GRIN2A: variants seen among roughly 807,000 people sequenced by gnomAD.
GRIN2A encodes glutamate ionotropic receptor NMDA type subunit 2A, also known as glutamate receptor ionotropic, NMDA 2A.
GRIN2A carries 22 observed loss-of-function variants against 113.4 expected under a neutral mutation model. The observed-to-expected ratio is 0.19, with a 90% confidence interval of 0.14 to 0.28. The LOEUF is 0.28. Among genes scored for constraint, GRIN2A ranks in the 10% least tolerant of loss-of-function variants. The pLI is 1.00. For synonymous variants in GRIN2A, 827 were observed against 738.4 expected (o/e 1.12, Z -1.94); for missense variants, 1,502 against 1,887.0 (o/e 0.80, Z 3.78).
chr16:10,083,662 TCCTA>T (rs1875752836), intron 2 of GRIN2A, among the ~76,000 whole-genome samples: 1 of 152,068 alleles, frequency 6.6e-6, no homozygotes, highest in Non-Finnish European at 1.5e-5. Flanking sequence ...ATCCCTACTC[TCCTA>T]CCTGACGAAT....
intron 2 of GRIN2A, among the ~76,000 whole-genome samples, chr16:10,054,664 G>A (rs1195815348): frequency 6.6e-6 from 1 of 152,054 alleles, no homozygotes; most frequent in Non-Finnish European, 1.5e-5. Context: ...TCCATAGGGT[G>A]GATATTTAAA....
At chr16:9,875,073 T>C (rs2043337759) in intron 4 of GRIN2A, among the ~76,000 whole-genome samples, 1 of 25,700 alleles carries the variant, frequency 3.9e-5, no homozygotes, top group Non-Finnish European at 7.4e-5. Context: ...CATGGCTCGC[T>C]GTGGCCTTGA....
At chr16:9,920,692 C>A (rs949105720) in intron 3 of GRIN2A, among the ~76,000 whole-genome samples, 7 of 151,872 alleles carry the variant, frequency 4.6e-5, no homozygotes, top group Non-Finnish European at 5.9e-5. Flanking sequence ...CAGCCTCCTG[C>A]CGTAGCTGGG....
At chr16:10,026,970 C>G (rs1014427766) in intron 2 of GRIN2A, among the ~76,000 whole-genome samples, 1 of 152,182 alleles carries the variant, frequency 6.6e-6, no homozygotes, top group Admixed American at 6.5e-5. Flanking sequence ...TATTTCAAAT[C>G]AAAACCCCAT....
At chr16:9,919,560 C>T (rs754274987) in intron 3 of GRIN2A, among the ~76,000 whole-genome samples, 5 of 152,070 alleles carry the variant, frequency 3.3e-5, no homozygotes, top group Non-Finnish European at 7.4e-5. Context: ...ACATTTTGTA[C>T]CACCCTAGGA....
chr16:10,123,388 T>C (rs2048869685), intron 2 of GRIN2A, among the ~76,000 whole-genome samples: 1 of 152,170 alleles, frequency 6.6e-6, no homozygotes, highest in African/African-American at 2.4e-5. Context: ...CTTTTATTTT[T>C]GTTGAAAATA....
At chr16:9,832,840 T>A (rs938971058) in intron 8 of GRIN2A, among the ~76,000 whole-genome samples, 2 of 152,196 alleles carry the variant, frequency 1.3e-5, no homozygotes, top group African/African-American at 4.8e-5. Flanking sequence ...TAGTATCTGG[T>A]TGATTGAAGA....
rs879652410 is a variant in GRIN2A at position 9,760,919 on chromosome 16, G to A, written c.*2230C>T. On this transcript the variant is annotated 3_prime_UTR_variant, in exon 13 of 13. Transcript: ENST00000330684. ...GGCTAAAAGGCTACACAGTCATGGA[G>A]ATTCAGATTTAGGATCAGATGTTGG... 1 of 232,512 alleles carries A rather than the reference G, an allele frequency of 4.3e-6. No individual in the cohort carries two copies. The highest frequency in any genetic ancestry group is 1.8e-4 in the South Asian group (1 of 5,526). 14.4% of individuals were successfully genotyped at this position (232,512 alleles called of 1,614,324 possible). A position where few individuals can be genotyped will look rare whatever the true frequency, so the allele number is the denominator to read the frequency against.
intron 11 of GRIN2A, among the ~76,000 whole-genome samples, chr16:9,788,186 T>C (rs1902350703): frequency 6.6e-6 from 1 of 152,130 alleles, no homozygotes; most frequent in Non-Finnish European, 1.5e-5. Context: ...TTTCTTTGCC[T>C]CTCTCTCCCT....
rs897807654 is a variant in GRIN2A, at chr16:9,758,342, A to G, written c.*4807T>C. 2 of 224,074 alleles carry G rather than the reference A, an allele frequency of 8.9e-6. No homozygotes were observed. The highest frequency in any genetic ancestry group is 1.8e-5 in the Non-Finnish European group (2 of 112,252). The allele number at this position is 224,074 out of a possible 1,614,324, so 13.9% of individuals were successfully genotyped here. On this transcript the variant is annotated 3_prime_UTR_variant, in exon 13 of 13. Coordinates refer to ENST00000330684, the MANE Select transcript of GRIN2A (RefSeq NM_001134407.3). Reference sequence around the variant, plus strand: ...GTCTTCAGAAGCAAATGCGAGCAGAATATATTCTATACCCCTCATCCCAGA... The same window carrying G: ...GTCTTCAGAAGCAAATGCGAGCAGAGTATATTCTATACCCCTCATCCCAGA...
chr16:9,912,119 G>A (rs1034059759), intron 3 of GRIN2A, among the ~76,000 whole-genome samples: 1 of 152,182 alleles, frequency 6.6e-6, no homozygotes, highest in Middle Eastern at 3.4e-3. Context: ...GGTGATGATG[G>A]TGGTGATGGT....
chr16:9,986,462 C>T (rs548775862), intron 2 of GRIN2A, among the ~76,000 whole-genome samples: 1 of 152,018 alleles, frequency 6.6e-6, no homozygotes, highest in African/African-American at 2.4e-5. Context: ...AACCAAAAGG[C>T]TCTTTTAAAG....
intron 10 of GRIN2A, among the ~76,000 whole-genome samples, chr16:9,819,024 AC>A (rs1460996032): frequency 5.3e-5 from 8 of 152,180 alleles, no homozygotes; most frequent in Non-Finnish European, 1.0e-4. Flanking sequence ...AAAGATTATG[AC>A]TCTATAAAAA....
intron 2 of GRIN2A, among the ~76,000 whole-genome samples, chr16:10,006,765 T>G (rs980306186): frequency 6.6e-6 from 1 of 152,198 alleles, no homozygotes; most frequent in Non-Finnish European, 1.5e-5. Context: ...ACCCTCCCTA[T>G]TTCCCAGCAC....
In GRIN2A at chr16:9,905,658, C is replaced by T. The variant is rs528691192; in HGVS notation, c.1008-14558G>A. On this transcript the variant is annotated intron_variant, in intron 3 of 12. Coordinates refer to ENST00000330684, the MANE Select transcript of GRIN2A (RefSeq NM_001134407.3). Reference sequence around the variant, plus strand: ...ATCCCTTCTGGGGCAGAGCGATGTGCCTATGGATATACAATAAGCCCGGAT... The same window carrying T: ...ATCCCTTCTGGGGCAGAGCGATGTGTCTATGGATATACAATAAGCCCGGAT... Among the ~76,000 whole-genome samples the T allele has an allele frequency of 4.5e-4, 69 of 152,290 alleles. 1 individual carries two copies. In the South Asian group the frequency reaches 0.012, roughly 27 times the overall value.
intron 2 of GRIN2A, among the ~76,000 whole-genome samples, chr16:10,053,253 C>T (rs2047389781): frequency 6.6e-6 from 1 of 152,164 alleles, no homozygotes; most frequent in African/African-American, 2.4e-5. Context: ...CTGTAGTTGA[C>T]TAGCAGAGGA....
intron 2 of GRIN2A, among the ~76,000 whole-genome samples, chr16:10,161,793 G>A (rs2049814471): frequency 6.6e-6 from 1 of 152,178 alleles, no homozygotes; most frequent in Non-Finnish European, 1.5e-5. Flanking sequence ...GCTTCTGGAG[G>A]ATGCTGGCAT....
At chr16:10,044,614 A>T (rs964416340) in intron 2 of GRIN2A, among the ~76,000 whole-genome samples, 2 of 150,064 alleles carry the variant, frequency 1.3e-5, no homozygotes, top group Middle Eastern at 3.4e-3. Flanking sequence ...AGACAATCAG[A>T]TGTGTTAAAA....
At chr16:10,004,259 C>T (rs567377645) in intron 2 of GRIN2A, among the ~76,000 whole-genome samples, 32 of 151,898 alleles carry the variant, frequency 2.1e-4, no homozygotes, top group African/African-American at 5.3e-4. Flanking sequence ...CATGATGGTG[C>T]GCACCTGTAG....
Sources: allele counts gnomAD v4.1 joint callset (sites outside exome capture counted in the v4.1 genomes callset), GRCh38; gene constraint gnomAD v4.1.1; transcripts MANE v1.5; gene names NCBI Gene and HGNC (gene_info 2026-07-23, HGNC 2026-07-21).